IKZF3: variants seen among roughly 807,000 people sequenced by gnomAD.
IKZF3 encodes the protein zinc finger protein Aiolos.
In IKZF3, 10 loss-of-function variants were observed where a neutral mutation model predicts 49.0. The observed-to-expected ratio is 0.20, with a 90% CI of 0.13 to 0.35. IKZF3 has a LOEUF of 0.35. IKZF3 is among the 10% of genes least tolerant of loss of function. The pLI, the probability that IKZF3 is intolerant of heterozygous loss-of-function variation, is 1.00. For synonymous variants in IKZF3, 209 were observed against 228.2 expected, an observed-to-expected ratio of 0.92 and a Z score of 0.76; for missense variants, 498 against 664.8, an observed-to-expected ratio of 0.75 and a Z score of 2.76.
At chr17:39,813,556 A>C (rs1182826219) in intron 3 of IKZF3, among the ~76,000 whole-genome samples, 1 of 151,332 alleles carries the variant, frequency 6.6e-6, no homozygotes, top group East Asian at 1.9e-4. Context: ...GGGTGGGAGG[A>C]TCACTTGAGC....
At chr17:39,844,951 T>C (rs1053568229) in intron 1 of IKZF3, among the ~76,000 whole-genome samples, 1 of 152,148 alleles carries the variant, frequency 6.6e-6, no homozygotes, top group African/African-American at 2.4e-5. Context: ...AGAACAGTGA[T>C]GTTGTCTGTT....
intron 5 of IKZF3, among the ~76,000 whole-genome samples, chr17:39,789,196 G>A (rs568782603): frequency 2.6e-5 from 4 of 152,278 alleles, no homozygotes; most frequent in South Asian, 2.1e-4. Flanking sequence ...TTGGGAGGCC[G>A]AAGTGGGAGG....
rs145328695 is a variant in IKZF3, at chr17:39,816,780, A to T, written c.163+12607T>A. Among the ~76,000 whole-genome samples the T allele has an allele frequency of 4.2e-3, 645 of 152,340 alleles. 4 individuals are homozygous for T. The highest frequency in any genetic ancestry group is 0.014 in the African/African-American group (601 of 41,586). Reference sequence around the variant, plus strand: ...GTCGCCCAGGCTTGAGCACGATCTCAGCTCATTGCTGGAACCTCTGCCTCC... The same window carrying T: ...GTCGCCCAGGCTTGAGCACGATCTCTGCTCATTGCTGGAACCTCTGCCTCC... On this transcript the variant is annotated intron_variant, in intron 3 of 7. Coordinates refer to ENST00000346872, the MANE Select transcript of IKZF3 (RefSeq NM_012481.5).
At chr17:39,814,425 T>A (rs1342692319) in intron 3 of IKZF3, among the ~76,000 whole-genome samples, 1 of 152,192 alleles carries the variant, frequency 6.6e-6, no homozygotes, top group Non-Finnish European at 1.5e-5. Context: ...CTATTTGATA[T>A]TTAGTTACAG....
At chr17:39,772,830 T>G (rs961224928) in intron 7 of IKZF3, among the ~76,000 whole-genome samples, 1 of 152,176 alleles carries the variant, frequency 6.6e-6, no homozygotes, top group Non-Finnish European at 1.5e-5. Context: ...CTATCAATTT[T>G]CTTTTTTGTT....
chr17:39,770,955 G>A (rs569764581), intron 7 of IKZF3, among the ~76,000 whole-genome samples: 1 of 152,122 alleles, frequency 6.6e-6, no homozygotes, highest in South Asian at 2.1e-4. Context: ...ACAGGCACGT[G>A]CCACTATGCC....
rs2060233245 is a variant in IKZF3, at chr17:39,763,934, A to G, written c.*1856T>C. 1 of 152,136 alleles carries G rather than the reference A, an allele frequency of 6.6e-6. No homozygotes were observed. Among genetic ancestry groups the G allele is most frequent in the African/African-American group, 2.4e-5 (1 of 41,432 alleles). The allele number at this position is 152,136 out of a possible 1,614,324, so 9.4% of individuals were successfully genotyped here. A position where few individuals can be genotyped will look rare whatever the true frequency, so the allele number is the denominator to read the frequency against. On this transcript the variant is annotated 3_prime_UTR_variant, in exon 8 of 8. Transcript: ENST00000346872. The stretch of plus-strand genomic sequence containing the variant: ...AGTAGTGTGATCTCCACTCACCGCA[A>G]CCTCAACCTCCCAGGCTTAAGCGAT...
At chr17:39,850,769 A>AC (rs1212338300) in intron 1 of IKZF3, among the ~76,000 whole-genome samples, 3 of 82,974 alleles carry the variant, frequency 3.6e-5, no homozygotes, top group Admixed American at 1.4e-4. Context: ...TATTATATAT[A>AC]ATATATAGTA....
intron 3 of IKZF3, among the ~76,000 whole-genome samples, chr17:39,824,075 G>A (rs1170444814): frequency 6.6e-6 from 1 of 152,240 alleles, no homozygotes. Flanking sequence ...CGTGAAAGCA[G>A]CTGGGAAGGG....
At chr17:39,821,033 G>A (rs1248004106) in intron 3 of IKZF3, among the ~76,000 whole-genome samples, 1 of 151,948 alleles carries the variant, frequency 6.6e-6, no homozygotes, top group Non-Finnish European at 1.5e-5. Context: ...ATAATAAACT[G>A]GTAATGATAA....
chr17:39,855,267 T>G (rs1202908141), intron 1 of IKZF3, among the ~76,000 whole-genome samples: 1 of 152,220 alleles, frequency 6.6e-6, no homozygotes, highest in African/African-American at 2.4e-5. Flanking sequence ...GTCTTGTTTT[T>G]GTGTCTAATC....
At chr17:39,793,234 A>G (rs2061074722) in intron 3 of IKZF3, among the ~76,000 whole-genome samples, 1 of 152,236 alleles carries the variant, frequency 6.6e-6, no homozygotes, top group Admixed American at 6.5e-5. Flanking sequence ...TGAAACAAAC[A>G]TTGAGCAACT....
chr17:39,813,748 C>T (rs1354414337), intron 3 of IKZF3, among the ~76,000 whole-genome samples: 1 of 152,182 alleles, frequency 6.6e-6, no homozygotes, highest in Non-Finnish European at 1.5e-5. Flanking sequence ...TTACAGAAAT[C>T]CCCTGTGAGT....
At chr17:39,792,543 A>G in intron 4 of IKZF3, 130 bp downstream of exon 4, 1 of 907,488 alleles carries the variant, frequency 1.1e-6, no homozygotes, top group East Asian at 2.5e-5. Flanking sequence ...AGCAATGCAG[A>G]GAGAGAGATA....
At chr17:39,857,226 A>G (rs953908241) in intron 1 of IKZF3, among the ~76,000 whole-genome samples, 38 of 152,212 alleles carry the variant, frequency 2.5e-4, no homozygotes, top group Admixed American at 2.4e-3. Flanking sequence ...TCCATCAGTT[A>G]TGATGTAATT....
At chr17:39,828,413 C>T (rs1412728680) in intron 3 of IKZF3, among the ~76,000 whole-genome samples, 1 of 152,194 alleles carries the variant, frequency 6.6e-6, no homozygotes, top group East Asian at 1.9e-4. Context: ...CCTAATATTC[C>T]TCCCAAAGGT....
intron 6 of IKZF3, among the ~76,000 whole-genome samples, chr17:39,779,940 CT>C (rs2060695079): frequency 6.6e-6 from 1 of 152,176 alleles, no homozygotes; most frequent in African/African-American, 2.4e-5. Flanking sequence ...TGGCTCACCC[CT>C]GTAATCCCAG....
At position 39,757,945 on chromosome 17, in the gene IKZF3, C is replaced by G. The variant is rs539829597; in HGVS notation, c.*7845G>C. 6.6e-6 allele frequency: 1 copy of G among 152,254 alleles called. No individual in the cohort carries two copies. The highest frequency in any genetic ancestry group is 2.4e-5 in the African/African-American group (1 of 41,524). The allele number at this position is 152,254 out of a possible 1,614,324, so 9.4% of individuals were successfully genotyped here. ...CATAGGAGTGACGAGGGAAAGTCAC[C>G]ACTGGGCAGGGAGGGCATTTCTGAG... On this transcript the variant is annotated 3_prime_UTR_variant, in exon 8 of 8. Coordinates refer to ENST00000346872, the MANE Select transcript of IKZF3 (RefSeq NM_012481.5).
At chr17:39,823,757 G>A (rs935261842) in intron 3 of IKZF3, among the ~76,000 whole-genome samples, 1 of 152,202 alleles carries the variant, frequency 6.6e-6, no homozygotes, top group East Asian at 1.9e-4. Flanking sequence ...ATGTGATGTT[G>A]AGCCTATGGG....
Sources: allele counts gnomAD v4.1 joint callset (sites outside exome capture counted in the v4.1 genomes callset), GRCh38; gene constraint gnomAD v4.1.1; transcripts MANE v1.5; gene names NCBI Gene and HGNC (gene_info 2026-07-23, HGNC 2026-07-21).